Variants in JDP2 observed in about 807,000 individuals in gnomAD.
The protein encoded by JDP2 is progesterone receptor co-activator.
Under a neutral mutation model 17.1 loss-of-function variants are expected in JDP2, and 9 were observed. The observed-to-expected ratio is 0.53, with a 90% CI of 0.32 to 0.92. The LOEUF (loss-of-function observed/expected upper bound fraction) is 0.92, where lower values mean the gene tolerates loss of function less well. Ranked by LOEUF, JDP2 falls within the 40% of genes least tolerant of loss-of-function variation. JDP2 has a pLI of 0.04. For missense variants in JDP2, 179 were observed against 220.0 expected (o/e 0.81, Z 1.18); for synonymous variants, 107 against 95.6 (o/e 1.12, Z -0.69).
In JDP2 at chr14:75,469,940, G is replaced by A. The variant is rs754295340; in HGVS notation, c.*465G>A. The A allele has an allele frequency of 4.7e-4, 72 of 154,576 alleles. No homozygotes were observed. Among genetic ancestry groups the A allele is most frequent in the Admixed American group, 9.0e-4 (14 of 15,534 alleles). The allele number at this position is 154,576 out of a possible 1,614,324, so 9.6% of individuals were successfully genotyped here. On this transcript the variant is annotated 3_prime_UTR_variant, in exon 4 of 4. Transcript: ENST00000651602. Reference sequence around the variant, plus strand: ...CCACCTGCCCCCAGCCCTGCCCCTCGCCCTGATGCGAAGCTGGAGAGGGGC... The same window carrying A: ...CCACCTGCCCCCAGCCCTGCCCCTCACCCTGATGCGAAGCTGGAGAGGGGC...
chr14:75,466,616 C>G (rs1313619866), intron 3 of JDP2, among the ~76,000 whole-genome samples: 1 of 152,222 alleles, frequency 6.6e-6, no homozygotes, highest in Non-Finnish European at 1.5e-5. Flanking sequence ...TACAGACGCT[C>G]CCACATAGAG....
At chr14:75,465,761 C>T (rs1272778229) in intron 3 of JDP2, among the ~76,000 whole-genome samples, 1 of 152,198 alleles carries the variant, frequency 6.6e-6, no homozygotes, top group Non-Finnish European at 1.5e-5. Flanking sequence ...GGACACCCAG[C>T]CCTTCACCTT....
rs1884643843 is a variant in JDP2, at chr14:75,428,543, C to G, written c.-24+291C>G. On this transcript the variant is annotated intron_variant, in intron 1 of 3. Coordinates refer to ENST00000651602, the MANE Select transcript of JDP2 (RefSeq NM_001135048.2). This position sits in a 1 kb window ranked among gnomAD's most constrained non-coding sequence, Gnocchi z 5.6. The stretch of plus-strand genomic sequence containing the variant: ...GCCGGGGTGCTCCCTCCTTCTCCCT[C>G]CCGCGCTCTCCTCCCCCGTCCGTTT... The G allele has an allele frequency of 6.6e-6, 1 of 152,256 alleles. No individual in the cohort carries two copies. Among genetic ancestry groups the G allele is most frequent in the Non-Finnish European group, 1.5e-5 (1 of 68,076 alleles). 9.4% of individuals were successfully genotyped at this position (152,256 alleles called of 1,614,324 possible).
Position 75,469,425 on chromosome 14 carries a change from A to G in JDP2, c.442A>G (p.Thr148Ala). 1 of 1,613,840 alleles carries G rather than the reference A, an allele frequency of 6.2e-7. No individual in the cohort carries two copies. The highest frequency in any genetic ancestry group is 2.2e-5 in the East Asian group (1 of 44,860). The change falls in exon 4 of 4, where the codon ACC becomes GCC. Residue 148 changes from threonine (T) to alanine (A), a missense_variant. By Grantham distance (58) the Thr-to-Ala change is moderately conservative. Coordinates refer to ENST00000651602, the MANE Select transcript of JDP2 (RefSeq NM_001135048.2). ...CATCGTCCGGACCGACAGTGTCAAG[A>G]CCCCCGAGTCAGAAGGCAACCCACT... ...TCIVRTDSVK[T>A]PESEGNPLLE... is the part of the protein sequence containing the mutation.
Position 75,438,084 on chromosome 14 carries a change from T to A in JDP2, c.164T>A (p.Val55Glu). ...AMIAPLHFLE[V>E]KLGKRPQPVK... ...ATTGCACCCTTGCACTTCCTGGAGG[T>A]GAAACTGGGCAAGAGGCCCCAGCCC... Residue 55 changes from valine (V) to glutamate (E), a missense_variant, in exon 2 of 4, where the codon GTG (valine) becomes GAG (glutamate). Val to Glu is a moderately radical substitution (Grantham distance 121, BLOSUM62 -2). Coordinates refer to ENST00000651602, the MANE Select transcript of JDP2 (RefSeq NM_001135048.2). The A allele has an allele frequency of 6.2e-7, 1 of 1,613,116 alleles. No homozygotes were observed. Among genetic ancestry groups the A allele is most frequent in the Non-Finnish European group, 8.5e-7 (1 of 1,179,412 alleles).
At position 75,461,500 on chromosome 14, in the gene JDP2, G is replaced by A; in HGVS notation, c.276G>A (p.Lys92=). The change falls in exon 3 of 4, where the codon AAG becomes AAA. Residue 92 remains lysine (K), a synonymous_variant. Transcript: ENST00000651602. ...TCGCAGCAGCCCGATGCCGGAACAA[G>A]AAGAAGGAGCGCACGGAGTTTCTGC... ...NKVAAARCRN[K]KKERTEFLQR... The A allele has an allele frequency of 6.2e-7, 1 of 1,609,334 alleles. No individual in the cohort carries two copies. Among genetic ancestry groups the A allele is most frequent in the Non-Finnish European group, 8.5e-7 (1 of 1,178,756 alleles).
At position 75,430,803 on chromosome 14, in the gene JDP2, T is replaced by C. The variant is rs529645297; in HGVS notation, c.-24+2551T>C. 8.3e-4 allele frequency among the ~76,000 whole-genome samples: 126 copies of C among 152,264 alleles called. No individual in the cohort carries two copies. Among genetic ancestry groups the C allele is most frequent in the African/African-American group, 2.9e-3 (121 of 41,542 alleles). Reference sequence around the variant, plus strand: ...GTGTGCGTGTGCATGTGTGTGCACATGCGTTCTTGTGTGTGTGTGTGGTTT... The same window carrying C: ...GTGTGCGTGTGCATGTGTGTGCACACGCGTTCTTGTGTGTGTGTGTGGTTT... On this transcript the variant is annotated intron_variant, in intron 1 of 3. Coordinates refer to ENST00000651602, the MANE Select transcript of JDP2 (RefSeq NM_001135048.2). The surrounding 1 kb of genome is among the most constrained non-coding windows in gnomAD (Gnocchi z 4.5).
At chr14:75,443,809 C>T (rs1039697736) in intron 2 of JDP2, among the ~76,000 whole-genome samples, 1 of 152,136 alleles carries the variant, frequency 6.6e-6, no homozygotes, top group Non-Finnish European at 1.5e-5. Context: ...AGAAATCAGA[C>T]ACCTCTGAAA....
In JDP2 at chr14:75,470,613, A is replaced by G. The variant is rs1886782575; in HGVS notation, c.*1138A>G. The G allele has an allele frequency of 6.6e-6, 1 of 152,236 alleles. No homozygotes were observed. The highest frequency in any genetic ancestry group is 2.1e-4 in the South Asian group (1 of 4,830). 9.4% of individuals were successfully genotyped at this position (152,236 alleles called of 1,614,324 possible). Reference sequence around the variant, plus strand: ...GGCTCAGAGACATTAAGCCACCTGCAGTTACTATTTTGAGAGCAGTCAGAG... The same window carrying G: ...GGCTCAGAGACATTAAGCCACCTGCGGTTACTATTTTGAGAGCAGTCAGAG... On this transcript the variant is annotated 3_prime_UTR_variant, in exon 4 of 4. Transcript: ENST00000651602.
At chr14:75,446,284 G>C (rs1184803637) in intron 2 of JDP2, among the ~76,000 whole-genome samples, 2 of 152,178 alleles carry the variant, frequency 1.3e-5, no homozygotes, top group Admixed American at 1.3e-4. Flanking sequence ...ATGCGATCCA[G>C]CCATTTCACT....
intron 2 of JDP2, chr14:75,445,650 A>G (rs1384055142): frequency 2.2e-6 from 2 of 905,306 alleles, no homozygotes; most frequent in African/African-American, 1.8e-5. Flanking sequence ...ACCTAGTACC[A>G]TATACATATA....
chr14:75,444,629 C>T (rs1566739573), intron 2 of JDP2, among the ~76,000 whole-genome samples: 1 of 152,222 alleles, frequency 6.6e-6, no homozygotes, highest in Non-Finnish European at 1.5e-5. Context: ...CCTGCACATA[C>T]TGCACATGGT....
chr14:75,462,848 T>C (rs983881651), intron 3 of JDP2, among the ~76,000 whole-genome samples: 58 of 152,142 alleles, frequency 3.8e-4, no homozygotes, highest in Non-Finnish European at 8.1e-4. Flanking sequence ...AGGCTGTGAG[T>C]GTCCAGTGCA....
In JDP2 at chr14:75,469,539, G is replaced by C; in HGVS notation, c.*64G>C. 6.6e-7 allele frequency: 1 copy of C among 1,523,384 alleles called. No homozygotes were observed. Among genetic ancestry groups the C allele is most frequent in the South Asian group, 1.2e-5 (1 of 81,124 alleles). The allele number at this position is 1,523,384 out of a possible 1,614,324, so 94.4% of individuals were successfully genotyped here. On this transcript the variant is annotated 3_prime_UTR_variant, in exon 4 of 4. Coordinates refer to ENST00000651602, the MANE Select transcript of JDP2 (RefSeq NM_001135048.2). ...AAGGAAAAGTGACGAAGAGAGAGGAGGAGGGGGGCCCCAGATGGCCCTTCC... is the reference window on the plus strand; with the variant it reads ...AAGGAAAAGTGACGAAGAGAGAGGACGAGGGGGGCCCCAGATGGCCCTTCC...
chr14:75,427,647 C>G (rs1000703219), upstream of JDP2: 1 of 154,280 alleles, frequency 6.5e-6, no homozygotes, highest in African/African-American at 2.4e-5. The surrounding 1 kb of genome is among the most constrained non-coding windows in gnomAD (Gnocchi z 4.4). Flanking sequence ...GCTGCGGCTG[C>G]TGCTGCCTGG....
chr14:75,458,160 C>T (rs1432196968), intron 2 of JDP2, among the ~76,000 whole-genome samples: 2 of 151,836 alleles, frequency 1.3e-5, no homozygotes, highest in African/African-American at 2.4e-5. Context: ...AAAAAAGCAG[C>T]GGATTCTTTT....
chr14:75,459,408 T>C (rs561407411), intron 2 of JDP2, among the ~76,000 whole-genome samples: 1 of 152,242 alleles, frequency 6.6e-6, no homozygotes, highest in East Asian at 1.9e-4. Context: ...TGTGGCGGTG[T>C]TGACGAGGCG....
At chr14:75,436,574 T>G (rs1267203520) in intron 1 of JDP2, among the ~76,000 whole-genome samples, 1 of 152,254 alleles carries the variant, frequency 6.6e-6, no homozygotes, top group Non-Finnish European at 1.5e-5. Context: ...CTTAAAAGGC[T>G]GCTTCAAAGC....
intron 2 of JDP2, among the ~76,000 whole-genome samples, chr14:75,454,440 G>A (rs1287926541): frequency 6.6e-6 from 1 of 152,194 alleles, no homozygotes; most frequent in East Asian, 1.9e-4. Flanking sequence ...TGTGCTGGGT[G>A]ACTTACTGAG....
Sources: gnomAD v4.1 joint callset for allele counts (sites outside exome capture counted in the v4.1 genomes callset) on GRCh38, gnomAD v4.1.1 for gene constraint, Gnocchi (gnomAD v3.1) non-coding constraint, MANE v1.5 for transcripts, NCBI Gene and HGNC (gene_info 2026-07-23, HGNC 2026-07-21) for gene names.